The following CDC25B variants were observed in gnomAD, a reference collection of about 807,000 sequenced individuals.
CDC25B encodes M-phase inducer phosphatase 2.
In CDC25B, 33 loss-of-function variants were observed where a neutral mutation model predicts 69.8. The observed-to-expected ratio is 0.47, with a 90% CI of 0.36 to 0.63. The LOEUF is 0.63. Ranked by LOEUF, CDC25B falls within the 30% of genes least tolerant of loss-of-function variation. The probability of loss-of-function intolerance (pLI) is 0.00; values close to 1 mark genes in which losing one functional copy is unlikely to be tolerated. For synonymous variants in CDC25B, 341 were observed against 314.6 expected (o/e 1.08, Z -0.89); for missense variants, 727 against 809.1 (o/e 0.90, Z 1.23).
At chr20:3,796,128 G>A (rs2089027604), upstream of CDC25B, 1 of 1,063,488 alleles carries the variant, frequency 9.4e-7, no homozygotes, top group Non-Finnish European at 1.1e-6. Context: ...CGAGGGTGTG[G>A]GATAAATCTT....
At chr20:3,786,970 A>T (rs1831640055) in exon 1 of CDC25B, 2 of 530,134 alleles carry the variant, frequency 3.8e-6, no homozygotes, top group Admixed American at 7.7e-5. Context: ...GTGCATCGCT[A>T]CTGCGCCCGG....
chr20:3,800,686 C>T (rs111526979), intron 5 of CDC25B, 57 bp from the exon 6 acceptor site: 3 of 1,599,638 alleles, frequency 1.9e-6, no homozygotes, highest in East Asian at 2.2e-5. Context: ...GGCCTGGGCT[C>T]GTGCCGGAGG....
chr20:3,799,668 C>T (rs1257936501), intron 3 of CDC25B, among the ~76,000 whole-genome samples: 3 of 152,076 alleles, frequency 2.0e-5, no homozygotes, highest in Admixed American at 2.0e-4. Flanking sequence ...GGGGGTGGGA[C>T]AGAGGCTGGT....
upstream of CDC25B, among the ~76,000 whole-genome samples, chr20:3,793,086 C>T (rs1008460289): frequency 1.7e-4 from 26 of 152,162 alleles, no homozygotes; most frequent in African/African-American, 5.8e-4. Context: ...ATTTTGAATA[C>T]ATTACATTGA....
intron 2 of CDC25B, among the ~76,000 whole-genome samples, chr20:3,798,092 CTCT>C (rs2089130053): frequency 6.6e-6 from 1 of 152,168 alleles, no homozygotes; most frequent in Non-Finnish European, 1.5e-5. Context: ...AGCCTATAAC[CTCT>C]TCTTTAAAAA....
At chr20:3,786,999 T>C in exon 1 of CDC25B, 2 of 552,288 alleles carry the variant, frequency 3.6e-6, no homozygotes, top group Non-Finnish European at 6.3e-6. Flanking sequence ...GACTTGCTGC[T>C]CAAAAAGAAT....
intron 1 of CDC25B, among the ~76,000 whole-genome samples, chr20:3,790,579 T>C (rs2088899096): frequency 6.6e-6 from 1 of 151,466 alleles, no homozygotes; most frequent in Non-Finnish European, 1.5e-5. Flanking sequence ...CCCAGCATTT[T>C]GGGAGGCCGA....
At chr20:3,793,552 T>G (rs538407098), upstream of CDC25B, among the ~76,000 whole-genome samples, 195 of 145,104 alleles carry the variant, frequency 1.3e-3, no homozygotes, top group Middle Eastern at 3.4e-3. Context: ...ATTTCTGTTT[T>G]TTTTTTTTTG....
chr20:3,798,519 C>T, intron 3 of CDC25B, 56 bp downstream of exon 3: 21 of 1,359,200 alleles, frequency 1.5e-5, no homozygotes, highest in Non-Finnish European at 2.1e-5. Flanking sequence ...CTTTAAGAAT[C>T]CTAGTTCTAC....
rs1349576405 is a variant in CDC25B at position 3,802,265 on chromosome 20, C to T, written c.1099-16C>T. On this transcript the variant is annotated splice_polypyrimidine_tract_variant and intron_variant, in intron 10 of 15. Coordinates refer to ENST00000245960, the MANE Select transcript of CDC25B (RefSeq NM_021873.4). ...GCCCCACCCTGACCCTGGCCTCCAT[C>T]TGACTCACTTTCCAGAAAGCCCGCG... 3 of 1,607,698 alleles carry T rather than the reference C, an allele frequency of 1.9e-6. No homozygotes were observed. In the South Asian group the frequency reaches 3.3e-5, roughly 18 times the overall value.
At chr20:3,794,466 TGG>T (rs999648548), upstream of CDC25B, among the ~76,000 whole-genome samples, 1 of 99,790 alleles carries the variant, frequency 1.0e-5, no homozygotes, top group Middle Eastern at 5.2e-3. Flanking sequence ...GGGTGGGGGG[TGG>T]GGGGGATACC....
upstream of CDC25B, chr20:3,795,699 CCCACCTCCT>C (rs1360871731): frequency 2.0e-6 from 2 of 985,320 alleles, no homozygotes; most frequent in Admixed American, 1.2e-4. Context: ...CCACTGCCCT[CCCACCTCCT>C]ACGCTGGGCG....
At chr20:3,790,236 C>G (rs1460254642) in intron 1 of CDC25B, among the ~76,000 whole-genome samples, 3 of 151,150 alleles carry the variant, frequency 2.0e-5, no homozygotes, top group Non-Finnish European at 4.4e-5. Flanking sequence ...GCACTGTACT[C>G]TAACCTGGGT....
chr20:3,796,751 C>A lies in CDC25B; in HGVS notation c.200+20C>A. The stretch of plus-strand genomic sequence containing the variant: ...CGGCAGGTAGGACACCCCAAGGAGG[C>A]TGCATATGGGGGTGAGAGGCTAGGT... On this transcript the variant is annotated intron_variant, in intron 1 of 15. Coordinates refer to ENST00000245960, the MANE Select transcript of CDC25B (RefSeq NM_021873.4). 1 of 1,550,904 alleles carries A rather than the reference C, an allele frequency of 6.4e-7. No individual in the cohort carries two copies. Among genetic ancestry groups the A allele is most frequent in the Non-Finnish European group, 8.6e-7 (1 of 1,157,322 alleles).
intron 3 of CDC25B, among the ~76,000 whole-genome samples, chr20:3,799,587 GA>G (rs1179611314): frequency 6.6e-6 from 1 of 152,146 alleles, no homozygotes; most frequent in African/African-American, 2.4e-5. Flanking sequence ...TAACACGGCT[GA>G]GGGGGCGGGG....
Position 3,803,328 on chromosome 20 carries a change from G to A in CDC25B, c.1357-76G>A. The A allele has an allele frequency of 2.5e-6, 4 of 1,605,390 alleles. No individual in the cohort carries two copies. Among genetic ancestry groups the A allele is most frequent in the Non-Finnish European group, 2.6e-6 (3 of 1,173,970 alleles). On this transcript the variant is annotated intron_variant, in intron 13 of 15. Coordinates refer to ENST00000245960, the MANE Select transcript of CDC25B (RefSeq NM_021873.4). The surrounding 1 kb of genome is among the most constrained non-coding windows in gnomAD (Gnocchi z 4.9). ...CTCATGGGGAGGGTTCCTACTAAGA[G>A]AAGGACAGCGACTGCACGGGGAGGG... is the stretch of plus-strand genomic sequence containing the variant.
chr20:3,799,484 C>CTCTGTG (rs2089185529), intron 3 of CDC25B, among the ~76,000 whole-genome samples: 4 of 131,608 alleles, frequency 3.0e-5, no homozygotes, highest in African/African-American at 8.8e-5. Flanking sequence ...TTCTCAGAAG[C>CTCTGTG]TGTGTGTGTG....
upstream of CDC25B, chr20:3,796,111 G>T: frequency 9.8e-7 from 1 of 1,022,064 alleles, no homozygotes; most frequent in Non-Finnish European, 1.2e-6. Context: ...CGCGCCAGGG[G>T]GATGTGCGAG....
chr20:3,795,981 C>T, upstream of CDC25B: 1 of 989,932 alleles, frequency 1.0e-6, no homozygotes, highest in Non-Finnish European at 1.2e-6. Flanking sequence ...GCGGTGATCC[C>T]AGGTGACGAC....
Sources: allele counts gnomAD v4.1 joint callset (sites outside exome capture counted in the v4.1 genomes callset), GRCh38; gene constraint gnomAD v4.1.1; non-coding constraint Gnocchi (gnomAD v3.1); transcripts MANE v1.5; gene names NCBI Gene and HGNC (gene_info 2026-07-23, HGNC 2026-07-21).